Variants in TMEM63A observed in about 807,000 individuals in gnomAD.
TMEM63A encodes the protein transmembrane protein 63A.
In TMEM63A, 76 loss-of-function variants were observed where a neutral mutation model predicts 100.6. The ratio of observed to expected loss-of-function variants is 0.76; its 90% CI spans 0.63 to 0.91. TMEM63A has a LOEUF of 0.91. Among genes scored for constraint, TMEM63A ranks in the 40% least tolerant of loss-of-function variants. The probability of loss-of-function intolerance (pLI) is 0.00; values close to 1 mark genes in which losing one functional copy is unlikely to be tolerated. For synonymous variants in TMEM63A, 401 were observed against 401.1 expected (o/e 1.00, Z 0.00); for missense variants, 876 against 1,008.8 (o/e 0.87, Z 1.78).
intron 10 of TMEM63A, among the ~76,000 whole-genome samples, chr1:225,863,413 T>G (rs1559043704): frequency 6.6e-6 from 1 of 152,152 alleles, no homozygotes; most frequent in Non-Finnish European, 1.5e-5. Context: ...TGGCTTGGAA[T>G]CAGCTGGCAC....
chr1:225,843,325 A>G (rs981496153), downstream of TMEM63A, among the ~76,000 whole-genome samples: 3 of 152,204 alleles, frequency 2.0e-5, no homozygotes, highest in African/African-American at 7.2e-5. Flanking sequence ...GCAAAGAGAA[A>G]AGCAATAAAA....
At chr1:225,881,981 C>T (rs1337437051) in intron 1 of TMEM63A, among the ~76,000 whole-genome samples, 25 of 152,282 alleles carry the variant, frequency 1.6e-4, no homozygotes, top group East Asian at 3.9e-4. Flanking sequence ...AGCTGCACTC[C>T]TAGTTAGGTG....
chr1:225,874,273 G>T lies in TMEM63A; in HGVS notation c.266+15C>A, dbSNP rs1670665358. 2 of 1,612,534 alleles carry T rather than the reference G, an allele frequency of 1.2e-6. No homozygotes were observed. The highest frequency in any genetic ancestry group is 3.4e-5 in the Admixed American group (2 of 59,554). On this transcript the variant is annotated intron_variant, in intron 4 of 24. Transcript: ENST00000366835. ...ACGCACACGCATGCTCACAGCCTAG[G>T]CGATATGTCTTTACCTGTCTGCTTC... is the stretch of plus-strand genomic sequence containing the variant.
At chr1:225,860,826 C>A (rs1418863426) in intron 14 of TMEM63A, 34 bp downstream of exon 14, 10 of 1,567,418 alleles carry the variant, frequency 6.4e-6, no homozygotes, top group African/African-American at 1.4e-5. Context: ...GAACCCAGGC[C>A]TCTCTCCCAC....
intron 6 of TMEM63A, among the ~76,000 whole-genome samples, chr1:225,870,444 G>GCCC (rs3841810): frequency 4.3e-4 from 64 of 150,246 alleles, no homozygotes; most frequent in African/African-American, 1.5e-3. Flanking sequence ...ATCAGTCCCC[G>GCCC]CCCCCCCCCG....
rs1189522401 is a variant in TMEM63A, at chr1:225,858,326, T to G, written c.1377+870A>C. 1.4e-3 allele frequency among the ~76,000 whole-genome samples: 206 copies of G among 145,694 alleles called. 18 individuals carry two copies. Among genetic ancestry groups the G allele is most frequent in the African/African-American group, 3.3e-3 (132 of 39,736 alleles). On this transcript the variant is annotated intron_variant, in intron 15 of 24. Coordinates refer to ENST00000366835, the MANE Select transcript of TMEM63A (RefSeq NM_014698.3). ...CCTATACAGAATAGTTTGTTTTTTT[T>G]TTTTTTTTTTTTTTTTGAGATGGAG...
rs376870461 is a variant in TMEM63A, at chr1:225,853,810, A to C, written c.1635-19T>G. On this transcript the variant is annotated intron_variant, in intron 18 of 24. Coordinates refer to ENST00000366835, the MANE Select transcript of TMEM63A (RefSeq NM_014698.3). This position sits in a 1 kb window ranked among gnomAD's most constrained non-coding sequence, Gnocchi z 4.0. ...GACGCACCTGGGGAAACCAGGGCCC[A>C]GGTCTGTGAGCTGAGAGCCGCTCTT... 1 of 1,575,072 alleles carries C rather than the reference A, an allele frequency of 6.3e-7. No individual in the cohort carries two copies. The highest frequency in any genetic ancestry group is 1.3e-5 in the African/African-American group (1 of 74,090).
downstream of TMEM63A, chr1:225,844,712 T>TG (rs1668781597): frequency 1.5e-5 from 23 of 1,575,842 alleles, no homozygotes; most frequent in South Asian, 2.5e-4. Context: ...CACTTGGTGG[T>TG]GGGATAAGTA....
chr1:225,842,862 T>C (rs903396796), downstream of TMEM63A, among the ~76,000 whole-genome samples: 2 of 151,778 alleles, frequency 1.3e-5, no homozygotes, highest in Non-Finnish European at 2.9e-5. Context: ...TCCAGGAGGG[T>C]GGTCGCAGAA....
chr1:225,841,450 T>C (rs1576036217), downstream of TMEM63A, among the ~76,000 whole-genome samples: 1 of 149,740 alleles, frequency 6.7e-6, no homozygotes, highest in African/African-American at 2.5e-5. Context: ...GCCTGGCTAA[T>C]GTTTTGTATT....
In TMEM63A at chr1:225,865,512, G is replaced by C. The variant is rs1576097373; in HGVS notation, c.746+385C>G. ...AGGTCCTTCCACCTGTGAGACCCTA[G>C]CCCTGTGGGTCCATACAAATGCTCA... On this transcript the variant is annotated intron_variant, in intron 10 of 24. Coordinates refer to ENST00000366835, the MANE Select transcript of TMEM63A (RefSeq NM_014698.3). The surrounding 1 kb of genome is among the most constrained non-coding windows in gnomAD (Gnocchi z 4.6). 1 of 178,512 alleles carries C rather than the reference G, an allele frequency of 5.6e-6. No homozygotes were observed. The highest frequency in any genetic ancestry group is 1.4e-4 in the East Asian group (1 of 7,352). 11.1% of individuals were successfully genotyped at this position (178,512 alleles called of 1,614,324 possible).
intron 3 of TMEM63A, among the ~76,000 whole-genome samples, chr1:225,875,658 G>A (rs753793876): frequency 3.3e-5 from 5 of 152,098 alleles, no homozygotes; most frequent in Admixed American, 6.5e-5. Context: ...TGTCCACAGC[G>A]GCTGCCGCCC....
chr1:225,856,836 G>A, intron 16 of TMEM63A, 75 bp downstream of exon 16: 1 of 1,584,032 alleles, frequency 6.3e-7, no homozygotes, highest in East Asian at 2.2e-5. Flanking sequence ...GCAGCTGGGG[G>A]GTTAGGGTGT....
chr1:225,875,194 C>A (rs1436931058), intron 3 of TMEM63A, among the ~76,000 whole-genome samples: 1 of 152,216 alleles, frequency 6.6e-6, no homozygotes, highest in Non-Finnish European at 1.5e-5. Context: ...CAAGGCACCA[C>A]GAGAACCTGT....
chr1:225,848,316 G>C (rs1559032045), intron 23 of TMEM63A, 176 bp downstream of exon 23: 1 of 643,540 alleles, frequency 1.6e-6, no homozygotes, highest in Non-Finnish European at 2.7e-6. Flanking sequence ...CAAATATGCA[G>C]GTTAAAATAC....
intron 21 of TMEM63A, 110 bp downstream of exon 21, chr1:225,849,802 C>G: frequency 7.2e-7 from 1 of 1,390,954 alleles, no homozygotes; most frequent in Non-Finnish European, 9.8e-7. Flanking sequence ...GCACCACATT[C>G]TGACTGGATG....
At chr1:225,863,445 A>C (rs910578945) in intron 10 of TMEM63A, among the ~76,000 whole-genome samples, 1 of 152,140 alleles carries the variant, frequency 6.6e-6, no homozygotes, top group Admixed American at 6.5e-5. Context: ...AAAAATGAAC[A>C]CATCACTATC....
At chr1:225,856,470 C>A (rs192799362) in intron 17 of TMEM63A, among the ~76,000 whole-genome samples, 182 bp downstream of exon 17, 1 of 151,120 alleles carries the variant, frequency 6.6e-6, no homozygotes, top group Non-Finnish European at 1.5e-5. Flanking sequence ...TAAAGAAGAA[C>A]AATCAATCAT....
At chr1:225,844,411 C>A, downstream of TMEM63A, 1 of 1,604,996 alleles carries the variant, frequency 6.2e-7, no homozygotes, top group South Asian at 1.1e-5. Context: ...ATGGGCAGGG[C>A]CTGGCATTTG....
Sources: gnomAD v4.1 joint callset for allele counts (sites outside exome capture counted in the v4.1 genomes callset) on GRCh38, gnomAD v4.1.1 for gene constraint, Gnocchi (gnomAD v3.1) non-coding constraint, MANE v1.5 for transcripts, NCBI Gene and HGNC (gene_info 2026-07-23, HGNC 2026-07-21) for gene names.